Variants in PDE8B observed in about 807,000 individuals in gnomAD.
The protein encoded by PDE8B is high affinity cAMP-specific and IBMX-insensitive 3',5'-cyclic phosphodiesterase 8B.
In PDE8B, 26 loss-of-function variants were observed where a neutral mutation model predicts 101.3. That is an observed-to-expected ratio of 0.26 (90% CI 0.19 to 0.36). The LOEUF (loss-of-function observed/expected upper bound fraction) is 0.36. Ranked by LOEUF, PDE8B falls within the 10% of genes least tolerant of loss-of-function variation. The probability of loss-of-function intolerance (pLI) is 1.00; values close to 1 mark genes in which losing one functional copy is unlikely to be tolerated. For synonymous variants in PDE8B, 424 were observed against 429.3 expected (o/e 0.99, Z 0.15); for missense variants, 810 against 1,163.1 (o/e 0.70, Z 4.42).
intron 10 of PDE8B, among the ~76,000 whole-genome samples, chr5:77,376,537 C>T (rs1786170851): frequency 6.6e-6 from 1 of 152,136 alleles, no homozygotes; most frequent in African/African-American, 2.4e-5. Flanking sequence ...GGGACCTAAC[C>T]ACCTTTGCCT....
chr5:77,395,503 AT>A (rs1452772117), intron 10 of PDE8B, among the ~76,000 whole-genome samples: 19 of 150,386 alleles, frequency 1.3e-4, no homozygotes, highest in Admixed American at 1.2e-3. Flanking sequence ...AACCCTTTCA[AT>A]TTTTAAAAAT....
chr5:77,184,832 A>T, the PDE8B span, among the ~76,000 whole-genome samples: 189 of 152,228 alleles, frequency 1.2e-3, no homozygotes, highest in Non-Finnish European at 2.3e-3. Flanking sequence ...CAAAATAAAA[A>T]TAAAAATAAA....
upstream of PDE8B, chr5:77,210,519 C>A: frequency 6.5e-6 from 4 of 612,868 alleles, no homozygotes; most frequent in Non-Finnish European, 6.1e-6. This position sits in a 1 kb window ranked among gnomAD's most constrained non-coding sequence, Gnocchi z 4.9. Context: ...GGCAGGCGGG[C>A]GGGCGCCCTG....
chr5:77,173,801 T>C, the PDE8B span, among the ~76,000 whole-genome samples: 1 of 151,942 alleles, frequency 6.6e-6, no homozygotes, highest in Non-Finnish European at 1.5e-5. Flanking sequence ...CGGAGTTAAG[T>C]GTATGTGTGT....
chr5:77,290,343 G>C, intron 1 of PDE8B: 2 of 1,450,370 alleles, frequency 1.4e-6, no homozygotes, highest in Non-Finnish European at 1.9e-6. Flanking sequence ...AAATGAGGGC[G>C]TGTATAATGG....
the PDE8B span, among the ~76,000 whole-genome samples, chr5:77,154,728 G>A: frequency 1.3e-5 from 2 of 152,298 alleles, no homozygotes; most frequent in South Asian, 2.1e-4. Context: ...CAACTAACCC[G>A]GTTTTCCTGG....
Position 77,349,079 on chromosome 5 carries a change from C to T in PDE8B, c.877-340C>T, listed in dbSNP as rs956022717. Among the ~76,000 whole-genome samples the T allele has an allele frequency of 1.1e-4, 17 of 151,990 alleles. No homozygotes were observed. The South Asian group carries it at 1.5e-3, about 13-fold the overall frequency. ...TCTGAGTTTTTCCTTATTCATGGGG[C>T]GGTAGATGGTGAATGAGTTCCCCAA... On this transcript the variant is annotated intron_variant, in intron 7 of 21. Transcript: ENST00000264917.
At chr5:77,405,566 A>G (rs1205104766) in intron 12 of PDE8B, among the ~76,000 whole-genome samples, 1 of 151,928 alleles carries the variant, frequency 6.6e-6, no homozygotes, top group Non-Finnish European at 1.5e-5. Context: ...GAACATCTCT[A>G]AGGGGTGTGT....
the PDE8B span, among the ~76,000 whole-genome samples, chr5:77,191,640 A>G: frequency 6.6e-6 from 1 of 152,186 alleles, no homozygotes; most frequent in African/African-American, 2.4e-5. Flanking sequence ...GGCGTGAGCC[A>G]CTGTGCCCGG....
rs538803454 is a variant in PDE8B at position 77,252,922 on chromosome 5, G to A, written c.339+41658G>A. On this transcript the variant is annotated intron_variant, in intron 1 of 21. Coordinates refer to ENST00000264917, the MANE Select transcript of PDE8B (RefSeq NM_003719.5). ...CTTCCATTGAGGTCACTTTTTTTAC[G>A]AAGTCTAATCTCTGCAATTATGACA... 1.3e-4 allele frequency among the ~76,000 whole-genome samples: 20 copies of A among 152,142 alleles called. No individual in the cohort carries two copies. The South Asian group carries it at 2.1e-3, about 16-fold the overall frequency.
At position 77,211,646 on chromosome 5, in the gene PDE8B, T is replaced by A. The variant is rs1026057932; in HGVS notation, c.339+382T>A. On this transcript the variant is annotated intron_variant, in intron 1 of 21. Transcript: ENST00000264917. This position sits in a 1 kb window ranked among gnomAD's most constrained non-coding sequence, Gnocchi z 4.1. Reference sequence around the variant, plus strand: ...GTCCTGTTGAATGAAATCTGAGCACTGAGCTGGATTTGCGTGCCTTGTAGG... The same window carrying A: ...GTCCTGTTGAATGAAATCTGAGCACAGAGCTGGATTTGCGTGCCTTGTAGG... Among the ~76,000 whole-genome samples, 2 of 152,190 alleles carry A rather than the reference T, an allele frequency of 1.3e-5. No individual in the cohort carries two copies. The highest frequency in any genetic ancestry group is 2.9e-5 in the Non-Finnish European group (2 of 68,034).
intron 10 of PDE8B, among the ~76,000 whole-genome samples, chr5:77,383,532 G>A (rs1787933740): frequency 6.6e-6 from 1 of 152,102 alleles, no homozygotes; most frequent in East Asian, 1.9e-4. Context: ...CATACCAAGT[G>A]TTTTAGTCAT....
chr5:77,366,092 TC>T (rs1784083948), intron 10 of PDE8B, among the ~76,000 whole-genome samples: 1 of 152,222 alleles, frequency 6.6e-6, no homozygotes, highest in African/African-American at 2.4e-5. Context: ...TTTGTTTTTT[TC>T]ATGTCTCTTG....
At chr5:77,363,950 C>A (rs775175483) in intron 10 of PDE8B, among the ~76,000 whole-genome samples, 3 of 152,066 alleles carry the variant, frequency 2.0e-5, no homozygotes, top group Non-Finnish European at 2.9e-5. Flanking sequence ...CCACAGCCAC[C>A]CCAGTGGGTG....
the PDE8B span, among the ~76,000 whole-genome samples, chr5:77,204,181 A>G: frequency 6.6e-6 from 1 of 151,260 alleles, no homozygotes; most frequent in Non-Finnish European, 1.5e-5. Flanking sequence ...AGGCTGAGGC[A>G]GGCAGAGCAC....
the PDE8B span, among the ~76,000 whole-genome samples, chr5:77,123,801 T>C: frequency 3.3e-5 from 5 of 152,158 alleles, no homozygotes; most frequent in South Asian, 2.1e-4. Flanking sequence ...TGAAATCCCA[T>C]AGGACTGGAC....
the PDE8B span, among the ~76,000 whole-genome samples, chr5:77,125,053 C>T: frequency 6.6e-6 from 1 of 152,330 alleles, no homozygotes; most frequent in Non-Finnish European, 1.5e-5. Flanking sequence ...TGCAGTGGCA[C>T]TCATAGCTCA....
chr5:77,273,808 T>TTA (rs1008911620), intron 1 of PDE8B, among the ~76,000 whole-genome samples: 5 of 151,954 alleles, frequency 3.3e-5, no homozygotes, highest in African/African-American at 1.2e-4. Flanking sequence ...TCTGTTTTTT[T>TTA]TTTATTTATT....
chr5:77,412,258 G>A, intron 16 of PDE8B, 23 bp downstream of exon 16: 2 of 1,613,360 alleles, frequency 1.2e-6, no homozygotes, highest in Non-Finnish European at 1.7e-6. Context: ...TCTGGCTGAA[G>A]GCAGAGCAGG....
Sources: gnomAD v4.1 joint callset for allele counts (sites outside exome capture counted in the v4.1 genomes callset) on GRCh38, gnomAD v4.1.1 for gene constraint, Gnocchi (gnomAD v3.1) non-coding constraint, MANE v1.5 for transcripts, NCBI Gene and HGNC (gene_info 2026-07-23, HGNC 2026-07-21) for gene names.